JAK1: variants seen among roughly 807,000 people sequenced by gnomAD.
The protein encoded by JAK1 is Janus kinase 1.
In JAK1, 16 loss-of-function variants were observed where a neutral mutation model predicts 136.6. The ratio of observed to expected loss-of-function variants is 0.12; its 90% CI spans 0.08 to 0.18. The LOEUF is 0.18. Among genes scored for constraint, JAK1 ranks in the 10% least tolerant of loss-of-function variants. The probability of loss-of-function intolerance (pLI) is 1.00; values close to 1 mark genes in which losing one functional copy is unlikely to be tolerated. For missense variants in JAK1, 859 were observed against 1,450.1 expected (o/e 0.59, Z 6.62); for synonymous variants, 492 against 519.5 (o/e 0.95, Z 0.72).
chr1:64,911,209 A>T (rs1047431325), intron 1 of JAK1, among the ~76,000 whole-genome samples: 1 of 152,224 alleles, frequency 6.6e-6, no homozygotes, highest in African/African-American at 2.4e-5. Flanking sequence ...TTGGGGCCAC[A>T]GGAATGAGGC....
chr1:65,041,776 C>T (rs1031299136), intron 2 of JAK1, among the ~76,000 whole-genome samples: 5 of 152,184 alleles, frequency 3.3e-5, no homozygotes, highest in Non-Finnish European at 7.3e-5. Context: ...CGGTGGCTCA[C>T]GCCTGTAATC....
intron 2 of JAK1, among the ~76,000 whole-genome samples, chr1:65,012,765 C>G (rs1210913345): frequency 6.6e-6 from 1 of 150,678 alleles, no homozygotes; most frequent in African/African-American, 2.4e-5. Flanking sequence ...CCACTGTACT[C>G]CAGCCTGAGT....
intron 1 of JAK1, among the ~76,000 whole-genome samples, chr1:64,964,777 T>A (rs1239060963): frequency 6.6e-6 from 1 of 152,226 alleles, no homozygotes; most frequent in Non-Finnish European, 1.5e-5. Context: ...ATGTCCAAAG[T>A]CATTCCAGTA....
chr1:64,949,383 T>C (rs1284743049), intron 1 of JAK1, among the ~76,000 whole-genome samples: 2 of 152,166 alleles, frequency 1.3e-5, no homozygotes, highest in Non-Finnish European at 2.9e-5. Flanking sequence ...CATGCAAAAA[T>C]GTACTGCATT....
intron 2 of JAK1, among the ~76,000 whole-genome samples, chr1:65,032,246 G>A (rs377349480): frequency 3.3e-5 from 5 of 151,922 alleles, no homozygotes; most frequent in Non-Finnish European, 4.4e-5. Context: ...GATTACAGGC[G>A]TGAGCCACCA....
chr1:64,918,501 T>G (rs1645437799), intron 1 of JAK1: 1 of 155,570 alleles, frequency 6.4e-6, no homozygotes, highest in Admixed American at 6.5e-5. Context: ...TCTTTGTATT[T>G]AATGGAGCTA....
chr1:65,053,783 T>C (rs181392351), intron 1 of JAK1, among the ~76,000 whole-genome samples: 11 of 152,348 alleles, frequency 7.2e-5, no homozygotes, highest in African/African-American at 2.6e-4. Context: ...ATGGCACCAC[T>C]GCACTCTAAG....
At chr1:64,964,670 A>G (rs941666734) in intron 1 of JAK1, among the ~76,000 whole-genome samples, 3 of 152,222 alleles carry the variant, frequency 2.0e-5, no homozygotes, top group African/African-American at 7.2e-5. Flanking sequence ...AAAAAAACAT[A>G]GTTTTGTATC....
intron 1 of JAK1, among the ~76,000 whole-genome samples, chr1:65,059,155 A>G (rs1647681254): frequency 6.6e-6 from 1 of 152,160 alleles, no homozygotes. Flanking sequence ...AAAAAAAAAA[A>G]AAAAACTTAG....
At chr1:64,855,757 A>G in intron 10 of JAK1, 59 bp from the exon 11 acceptor site, 3 of 1,418,374 alleles carry the variant, frequency 2.1e-6, no homozygotes, top group Non-Finnish European at 2.9e-6. Context: ...TGGGTATGTA[A>G]GATATTAACA....
intron 20 of JAK1, among the ~76,000 whole-genome samples, chr1:64,839,007 G>A (rs372039316): frequency 6.0e-5 from 9 of 151,190 alleles, no homozygotes; most frequent in African/African-American, 9.7e-5. Flanking sequence ...TTAGCCGGGC[G>A]TGATGGCGGG....
At chr1:64,958,418 T>C (rs1333866189) in intron 1 of JAK1, among the ~76,000 whole-genome samples, 1 of 152,388 alleles carries the variant, frequency 6.6e-6, no homozygotes, top group Non-Finnish European at 1.5e-5. Context: ...CCTTAAGTTT[T>C]ACAGAATGGT....
intron 2 of JAK1, chr1:64,985,817 T>G: frequency 1.6e-6 from 1 of 627,098 alleles, no homozygotes; most frequent in South Asian, 1.8e-5. Flanking sequence ...CAGTAAGCAT[T>G]GAATTACGCC....
At chr1:64,884,682 T>C (rs1218690957) in intron 2 of JAK1, among the ~76,000 whole-genome samples, 1 of 152,210 alleles carries the variant, frequency 6.6e-6, no homozygotes, top group Non-Finnish European at 1.5e-5. Flanking sequence ...TAGGAATATC[T>C]TTCTACCTTA....
At chr1:64,965,755 A>G (rs1036596728) in intron 1 of JAK1, among the ~76,000 whole-genome samples, 2 of 151,998 alleles carry the variant, frequency 1.3e-5, no homozygotes, top group African/African-American at 2.4e-5. Context: ...TCCTAACAGA[A>G]CCTAAGAGGG....
chr1:64,960,137 A>G (rs1484136999), intron 1 of JAK1, among the ~76,000 whole-genome samples: 2 of 152,146 alleles, frequency 1.3e-5, no homozygotes, highest in African/African-American at 2.4e-5. Context: ...TGAGGTGGGG[A>G]GGATTGCTTG....
Position 64,957,993 on chromosome 1 carries a change from C to T in JAK1, c.-78+8340G>A, listed in dbSNP as rs192349088. On this transcript the variant is annotated intron_variant, in intron 1 of 24. Coordinates refer to ENST00000342505, the MANE Select transcript of JAK1 (RefSeq NM_002227.4). ...AAGACTCCCTTTTCTTACAACCCACCTCTGACATCTCTCCCGGTACTCAGC... is the reference window on the plus strand; with the variant it reads ...AAGACTCCCTTTTCTTACAACCCACTTCTGACATCTCTCCCGGTACTCAGC... Among the ~76,000 whole-genome samples the T allele has an allele frequency of 8.0e-3, 1,211 of 152,174 alleles. 19 individuals carry two copies. The highest frequency in any genetic ancestry group is 0.028 in the African/African-American group (1,155 of 41,532).
chr1:64,910,870 T>C (rs993149202), intron 1 of JAK1, among the ~76,000 whole-genome samples: 4 of 137,418 alleles, frequency 2.9e-5, no homozygotes, highest in African/African-American at 1.1e-4. Context: ...AAAATCAACA[T>C]AGGGCATTTA....
intron 12 of JAK1, 69 bp from the exon 13 acceptor site, chr1:64,847,744 T>A: frequency 6.5e-7 from 1 of 1,542,438 alleles, no homozygotes; most frequent in Non-Finnish European, 8.8e-7. Flanking sequence ...TGGGAATGGG[T>A]CCTCAATGGG....
Sources: gnomAD v4.1 joint callset for allele counts (sites outside exome capture counted in the v4.1 genomes callset) on GRCh38, gnomAD v4.1.1 for gene constraint, MANE v1.5 for transcripts, NCBI Gene and HGNC (gene_info 2026-07-23, HGNC 2026-07-21) for gene names.